GPR149: variants seen among roughly 807,000 people sequenced by gnomAD.
GPR149 encodes probable G protein-coupled receptor 149.
GPR149 carries 50 observed loss-of-function variants against 50.2 expected under a neutral mutation model. The ratio of observed to expected loss-of-function variants is 1.00; its 90% CI spans 0.79 to 1.26. The LOEUF is 1.26. GPR149 is among the 50% of genes most tolerant of loss of function. GPR149 has a pLI of 0.00. For synonymous variants in GPR149, 405 were observed against 358.2 expected, an observed-to-expected ratio of 1.13 and a Z score of -1.48; for missense variants, 983 against 895.4, an observed-to-expected ratio of 1.10 and a Z score of -1.25.
At position 154,356,095 on chromosome 3, in the gene GPR149, C is replaced by T. The variant is rs542850146; in HGVS notation, c.1624-17824G>A. ...AGAGTAAATGAGCACTTGGGACCTTCCTGGTGTGATGAAATGTTCTAAAAC... is the reference window on the plus strand; with the variant it reads ...AGAGTAAATGAGCACTTGGGACCTTTCTGGTGTGATGAAATGTTCTAAAAC... On this transcript the variant is annotated intron_variant, in intron 3 of 3. Coordinates refer to ENST00000389740, the MANE Select transcript of GPR149 (RefSeq NM_001038705.3). Among the ~76,000 whole-genome samples, 14 of 152,232 alleles carry T rather than the reference C, an allele frequency of 9.2e-5. No homozygotes were observed. The East Asian group carries it at 2.5e-3, about 27-fold the overall frequency.
At chr3:154,380,660 T>G (rs1419318695) in intron 3 of GPR149, among the ~76,000 whole-genome samples, 1 of 152,088 alleles carries the variant, frequency 6.6e-6, no homozygotes, top group Non-Finnish European at 1.5e-5. Context: ...AAATTCAAAC[T>G]GCCAATATCC....
chr3:154,428,590 T>G (rs749112987), intron 1 of GPR149, 45 bp downstream of exon 1: 1 of 1,563,372 alleles, frequency 6.4e-7, no homozygotes. Flanking sequence ...TCATTTACAC[T>G]GTCTGGCACA....
In GPR149 at chr3:154,427,670, G is replaced by GCT; in HGVS notation, c.1018_1019dup (p.Ser340ArgfsTer19). The GCT allele has an allele frequency of 1.2e-6, 2 of 1,613,970 alleles. No individual in the cohort carries two copies. The highest frequency in any genetic ancestry group is 1.7e-6 in the Non-Finnish European group (2 of 1,179,918). On this transcript the variant is annotated frameshift_variant, in exon 2 of 4. Coordinates refer to ENST00000389740, the MANE Select transcript of GPR149 (RefSeq NM_001038705.3). LOFTEE classifies it high-confidence loss of function. The stretch of plus-strand genomic sequence containing the variant: ...GAAAGCTGAATGTCTCCAAGGGAAG[G>GCT]CTCTGAAACCCCACGACGTTCTGGA...
At position 154,429,670 on chromosome 3, in the gene GPR149, A is replaced by T; in HGVS notation, c.-55T>A. On this transcript the variant is annotated 5_prime_UTR_variant, in exon 1 of 4. Transcript: ENST00000389740. ...TCAATGAGTCTGATAATTTTCTCAAAAGAAAGACCGGCTGCTGCAAATCAG... is the reference window on the plus strand; with the variant it reads ...TCAATGAGTCTGATAATTTTCTCAATAGAAAGACCGGCTGCTGCAAATCAG... 6.8e-7 allele frequency: 1 copy of T among 1,466,762 alleles called. No homozygotes were observed. Among genetic ancestry groups the T allele is most frequent in the Non-Finnish European group, 9.3e-7 (1 of 1,071,616 alleles). The allele number at this position is 1,466,762 out of a possible 1,614,324, so 90.9% of individuals were successfully genotyped here. A position where few individuals can be genotyped will look rare whatever the true frequency, so the allele number is the denominator to read the frequency against.
intron 3 of GPR149, among the ~76,000 whole-genome samples, chr3:154,340,415 G>A (rs1713763933): frequency 6.6e-6 from 1 of 152,106 alleles, no homozygotes; most frequent in Non-Finnish European, 1.5e-5. Flanking sequence ...TTTGAGTGGT[G>A]GCAACTTTTG....
chr3:154,403,789 G>GA (rs35117968), intron 3 of GPR149, among the ~76,000 whole-genome samples: 131,907 of 149,078 alleles, frequency 0.88, 58,971 homozygotes, highest in Middle Eastern at 0.98. Context: ...CTAACTCTAT[G>GA]AAAAAAAAAA....
intron 3 of GPR149, among the ~76,000 whole-genome samples, chr3:154,379,723 T>C (rs901062307): frequency 6.6e-6 from 1 of 152,200 alleles, no homozygotes; most frequent in East Asian, 1.9e-4. Context: ...TTCAATTGTT[T>C]GGCATCTTTG....
At chr3:154,427,824 C>T (rs918576430) in intron 1 of GPR149, 116 bp from the exon 2 acceptor site, 27 of 962,168 alleles carry the variant, frequency 2.8e-5, no homozygotes, top group African/African-American at 2.5e-4. Flanking sequence ...TGATGGACAG[C>T]GGGGACCTCT....
intron 3 of GPR149, chr3:154,354,254 G>A: frequency 2.3e-6 from 1 of 436,628 alleles, no homozygotes; most frequent in South Asian, 2.0e-5. Context: ...CCAGCACTGT[G>A]TAATGTGTTT....
intron 3 of GPR149, among the ~76,000 whole-genome samples, chr3:154,384,817 T>C (rs189977333): frequency 3.3e-5 from 5 of 152,332 alleles, no homozygotes; most frequent in African/African-American, 1.2e-4. Context: ...GGGCTTGTCA[T>C]TGGAATTCTA....
At chr3:154,351,220 C>A (rs1714068814) in intron 3 of GPR149, among the ~76,000 whole-genome samples, 1 of 143,082 alleles carries the variant, frequency 7.0e-6, no homozygotes, top group African/African-American at 2.6e-5. Context: ...TCAAATATAC[C>A]CAACTGACTT....
chr3:154,353,793 T>A (rs763958112), intron 3 of GPR149: 2 of 707,474 alleles, frequency 2.8e-6, no homozygotes, highest in Admixed American at 2.1e-5. Context: ...TTCCTGTCCA[T>A]GCTCGAGCTA....
At chr3:154,349,521 A>T (rs1279823926) in intron 3 of GPR149, among the ~76,000 whole-genome samples, 1 of 152,204 alleles carries the variant, frequency 6.6e-6, no homozygotes, top group Non-Finnish European at 1.5e-5. Context: ...TTGTAAAACA[A>T]ACTACTACAA....
intron 3 of GPR149, among the ~76,000 whole-genome samples, chr3:154,386,384 C>T (rs546948146): frequency 2.2e-4 from 34 of 152,314 alleles, no homozygotes; most frequent in African/African-American, 7.2e-4. Flanking sequence ...CTCAGCCTGA[C>T]GAATTCCCAC....
At chr3:154,366,386 A>T (rs1055138889) in intron 3 of GPR149, among the ~76,000 whole-genome samples, 1 of 152,226 alleles carries the variant, frequency 6.6e-6, no homozygotes, top group African/African-American at 2.4e-5. Flanking sequence ...CATTTCTGTG[A>T]CATAATTTAA....
chr3:154,384,753 G>C (rs1325858738), intron 3 of GPR149, among the ~76,000 whole-genome samples: 2 of 152,180 alleles, frequency 1.3e-5, no homozygotes, highest in Non-Finnish European at 2.9e-5. Context: ...CCAAAGTTCT[G>C]GGGTTTTTGT....
Position 154,335,242 on chromosome 3 carries a change from G to T in GPR149, c.*2457C>A. On this transcript the variant is annotated 3_prime_UTR_variant, in exon 4 of 4. Coordinates refer to ENST00000389740, the MANE Select transcript of GPR149 (RefSeq NM_001038705.3). The stretch of plus-strand genomic sequence containing the variant: ...AGAAGAACAATATAACTATACAAGG[G>T]TAAGGTATTTGGCTATATCACAAGA... 1 of 152,064 alleles carries T rather than the reference G, an allele frequency of 6.6e-6. No individual in the cohort carries two copies. Among genetic ancestry groups the T allele is most frequent in the Non-Finnish European group, 1.5e-5 (1 of 68,002 alleles). The allele number at this position is 152,064 out of a possible 1,614,324, so 9.4% of individuals were successfully genotyped here.
Position 154,340,900 on chromosome 3 carries a change from T to C in GPR149, c.1624-2629A>G, listed in dbSNP as rs369902224. On this transcript the variant is annotated intron_variant, in intron 3 of 3. Coordinates refer to ENST00000389740, the MANE Select transcript of GPR149 (RefSeq NM_001038705.3). ...CCACACCTGGCTAGTTTCTGTATTTTTAGTAGAGACAGGGTTTCACTATGT... is the reference window on the plus strand; with the variant it reads ...CCACACCTGGCTAGTTTCTGTATTTCTAGTAGAGACAGGGTTTCACTATGT... Among the ~76,000 whole-genome samples, 101 of 152,232 alleles carry C rather than the reference T, an allele frequency of 6.6e-4. 1 individual carries two copies. In the East Asian group the frequency reaches 0.013, roughly 20 times the overall value.
At chr3:154,346,918 A>G (rs1713942574) in intron 3 of GPR149, among the ~76,000 whole-genome samples, 1 of 152,136 alleles carries the variant, frequency 6.6e-6, no homozygotes, top group Non-Finnish European at 1.5e-5. Flanking sequence ...TTTAATGATG[A>G]AAACTCTAAC....
Sources: gnomAD v4.1 joint callset for allele counts (sites outside exome capture counted in the v4.1 genomes callset) on GRCh38, gnomAD v4.1.1 for gene constraint, MANE v1.5 for transcripts, NCBI Gene and HGNC (gene_info 2026-07-23, HGNC 2026-07-21) for gene names.